The following FGF13 variants were observed in gnomAD, a reference collection of about 807,000 sequenced individuals.
FGF13 encodes the protein fibroblast growth factor homologous factor 2.
In FGF13, 2 loss-of-function variants were observed where a neutral mutation model predicts 19.5. The observed-to-expected ratio is 0.10, with a 90% confidence interval of 0.04 to 0.32. The LOEUF is 0.32. FGF13 is among the 10% of genes least tolerant of loss of function. The pLI is 1.00. For synonymous variants in FGF13, 72 were observed against 76.9 expected (o/e 0.94, Z 0.33); for missense variants, 113 against 192.7 (o/e 0.59, Z 2.45).
intron 1 of FGF13, among the ~76,000 whole-genome samples, chrX:139,151,776 GTTAA>G (rs1166645587): frequency 4.5e-5 from 5 of 111,835 alleles, no homozygotes; most frequent in Non-Finnish European, 5.6e-5. Flanking sequence ...TACACACAAA[GTTAA>G]TTGTTAATAG....
chrX:139,014,317 A>C (rs1218808222), intron 1 of FGF13, among the ~76,000 whole-genome samples: 1 of 111,769 alleles, frequency 8.9e-6, no homozygotes, highest in African/African-American at 3.2e-5. Context: ...AACAAAACTA[A>C]AAGTTGGTGT....
intron 3 of FGF13, among the ~76,000 whole-genome samples, chrX:138,686,209 T>C (rs1027405745): frequency 8.9e-6 from 1 of 111,830 alleles, no homozygotes. Flanking sequence ...TATTAGAGAA[T>C]GCTGTTTAGC....
chrX:138,672,068 G>C (rs1055542968), intron 3 of FGF13, among the ~76,000 whole-genome samples: 1 of 108,974 alleles, frequency 9.2e-6, no homozygotes, highest in Non-Finnish European at 1.9e-5. Context: ...CAGGAAAACT[G>C]ATATGACTGG....
In FGF13 at chrX:138,625,627, T is replaced by A. The variant is rs1456864961; in HGVS notation, c.*7223A>T. 9.7e-6 allele frequency: 1 copy of A among 103,088 alleles called. No individual in the cohort carries two copies. The highest frequency in any genetic ancestry group is 2.0e-5 in the Non-Finnish European group (1 of 50,809). 8.5% of individuals were successfully genotyped at this position (103,088 alleles called of 1,213,427 possible). A position where few individuals can be genotyped will look rare whatever the true frequency, so the allele number is the denominator to read the frequency against. On this transcript the variant is annotated 3_prime_UTR_variant, in exon 5 of 5. Coordinates refer to ENST00000315930, the MANE Select transcript of FGF13 (RefSeq NM_004114.5). ...AGCAAACTAAGTGAAATAAGCCAGA[T>A]GAAAAAAGAAAAAAATGCTACATGA...
At chrX:138,914,778 T>G (rs1043623803) in intron 1 of FGF13, among the ~76,000 whole-genome samples, 1 of 110,855 alleles carries the variant, frequency 9.0e-6, no homozygotes, top group African/African-American at 3.3e-5. Flanking sequence ...AAGGAAGTAG[T>G]AGGAAAACTG....
chrX:138,744,149 A>T (rs944677244), upstream of FGF13, among the ~76,000 whole-genome samples: 1 of 111,328 alleles, frequency 9.0e-6, no homozygotes, highest in Non-Finnish European at 1.9e-5. Context: ...CCTGTCAACC[A>T]CTATGTACTG....
intron 1 of FGF13, among the ~76,000 whole-genome samples, chrX:139,168,532 T>C (rs1220289946): frequency 9.0e-6 from 1 of 111,706 alleles, no homozygotes. Flanking sequence ...GTCTTCTACA[T>C]AAAGCTAAAA....
chrX:138,865,606 C>T lies in FGF13; in HGVS notation c.-112-956G>A, dbSNP rs149068662. On this transcript the variant is annotated intron_variant, in intron 1 of 2. Transcript: ENST00000421460. ...TAGAGTATGTACTCTTGTGCAGTGGCGCTGTTCACTGTGTAAAATTGCACA... is the reference window on the plus strand; with the variant it reads ...TAGAGTATGTACTCTTGTGCAGTGGTGCTGTTCACTGTGTAAAATTGCACA... Among the ~76,000 whole-genome samples, 517 of 109,630 alleles carry T rather than the reference C, an allele frequency of 4.7e-3. 4 individuals carry two copies. The highest frequency in any genetic ancestry group is 0.016 in the African/African-American group (496 of 30,095).
At chrX:138,699,765 A>G (rs1050125219) in intron 3 of FGF13, among the ~76,000 whole-genome samples, 1 of 112,017 alleles carries the variant, frequency 8.9e-6, no homozygotes, top group African/African-American at 3.3e-5. Context: ...CTTATGCTAC[A>G]TATTTTCATA....
chrX:139,080,166 A>T (rs933712250), intron 1 of FGF13, among the ~76,000 whole-genome samples: 1 of 111,567 alleles, frequency 9.0e-6, no homozygotes, highest in Admixed American at 9.6e-5. Flanking sequence ...CAAGGCCCCC[A>T]TGCCCTGCCA....
intron 3 of FGF13, among the ~76,000 whole-genome samples, chrX:138,804,496 T>C (rs1378022822): frequency 8.9e-6 from 1 of 112,141 alleles, no homozygotes; most frequent in Non-Finnish European, 1.9e-5. Context: ...GAATGCACTT[T>C]TAACCATAAT....
chrX:138,869,718 A>C (rs1173697385), intron 1 of FGF13, among the ~76,000 whole-genome samples: 1 of 112,551 alleles, frequency 8.9e-6, no homozygotes, highest in African/African-American at 3.2e-5. Context: ...AAACACTAGA[A>C]CATAACTCTC....
chrX:138,984,841 T>TGTGTG (rs1569436376), intron 1 of FGF13, among the ~76,000 whole-genome samples: 2 of 109,880 alleles, frequency 1.8e-5, no homozygotes, highest in Non-Finnish European at 3.8e-5. Flanking sequence ...TGTGTGTGTG[T>TGTGTG]TTTAATTTTT....
chrX:138,645,839 G>A (rs752888391), intron 3 of FGF13, among the ~76,000 whole-genome samples: 7 of 111,634 alleles, frequency 6.3e-5, no homozygotes, highest in Admixed American at 2.9e-4. Flanking sequence ...TTGATTTAGC[G>A]CTTAAAATAT....
intron 1 of FGF13, among the ~76,000 whole-genome samples, chrX:139,193,336 A>G (rs2084347225): frequency 8.9e-6 from 1 of 112,464 alleles, no homozygotes; most frequent in Admixed American, 9.4e-5. Context: ...CTTTTGGTAT[A>G]GAGTTTCAAA....
intron 2 of FGF13, among the ~76,000 whole-genome samples, chrX:138,705,412 G>A (rs912882124): frequency 1.8e-5 from 2 of 111,590 alleles, no homozygotes; most frequent in Non-Finnish European, 3.8e-5. Context: ...AAAACAGAAG[G>A]AGGAATAGAA....
intron 3 of FGF13, among the ~76,000 whole-genome samples, chrX:138,636,198 ATTT>A (rs747705996): frequency 1.8e-5 from 2 of 111,618 alleles, no homozygotes; most frequent in African/African-American, 6.5e-5. Context: ...AACCAAATTG[ATTT>A]TTTTTGGATC....
intron 3 of FGF13, among the ~76,000 whole-genome samples, chrX:138,648,728 G>A (rs1274391674): frequency 9.0e-6 from 1 of 111,661 alleles, no homozygotes; most frequent in Non-Finnish European, 1.9e-5. Context: ...GTGCACTTGT[G>A]CAAGGCTGCC....
chrX:138,991,243 C>T (rs1302642810), intron 1 of FGF13, among the ~76,000 whole-genome samples: 1 of 112,207 alleles, frequency 8.9e-6, no homozygotes, highest in East Asian at 2.8e-4. Context: ...AGAGTGTATG[C>T]TTTCCTCAAT....
Sources: allele counts gnomAD v4.1 joint callset (sites outside exome capture counted in the v4.1 genomes callset), GRCh38; gene constraint gnomAD v4.1.1; transcripts MANE v1.5; gene names NCBI Gene and HGNC (gene_info 2026-07-23, HGNC 2026-07-21).